The following RAB36 variants were observed in gnomAD, a reference collection of about 807,000 sequenced individuals.
RAB36 encodes the protein ras-related protein Rab-36.
A neutral mutation model predicts 39.3 loss-of-function variants in RAB36; 33 were observed. That is an observed-to-expected ratio of 0.84 (90% CI 0.64 to 1.12). The LOEUF is 1.12. Ranked by LOEUF, RAB36 falls within the 50% of genes most tolerant of loss-of-function variation. The probability of loss-of-function intolerance (pLI) is 0.00; values close to 1 mark genes in which losing one functional copy is unlikely to be tolerated. For synonymous variants in RAB36, 133 were observed against 140.2 expected (o/e 0.95, Z 0.36); for missense variants, 308 against 355.3 (o/e 0.87, Z 1.07).
rs770482586 is a variant in RAB36 at position 23,159,239 on chromosome 22, T to C, written c.605T>C (p.Val202Ala). 1.3e-6 allele frequency: 2 copies of C among 1,596,240 alleles called. No individual in the cohort carries two copies. Among genetic ancestry groups the C allele is most frequent in the South Asian group, 1.1e-5 (1 of 87,918 alleles). Residue 202 changes from valine to alanine, a missense_variant, in exon 9 of 11, where the codon GTG (valine) becomes GCG (alanine). Transcript: ENST00000263116. ...AREMQAEYWS[V>A]SAKTGENVKA... ...GAGATGCAGGCCGAGTACTGGTCAG[T>C]GTCGGCCAAGACTGGTGAGTGGGCC...
rs1001549484 is a variant in RAB36 at position 23,164,052 on chromosome 22, C to T, written c.*2488C>T. 3.1e-4 allele frequency: 47 copies of T among 152,370 alleles called. No individual in the cohort carries two copies. The highest frequency in any genetic ancestry group is 1.1e-3 in the African/African-American group (45 of 41,572). The allele number at this position is 152,370 out of a possible 1,614,324, so 9.4% of individuals were successfully genotyped here. Reference sequence around the variant, plus strand: ...TGCGTACTCAGGAAGGCCCTTCTCCCGACTGCGGCCCCCAGCCTGGTCCAC... The same window carrying T: ...TGCGTACTCAGGAAGGCCCTTCTCCTGACTGCGGCCCCCAGCCTGGTCCAC... On this transcript the variant is annotated 3_prime_UTR_variant, in exon 11 of 11. Transcript: ENST00000263116.
intron 8 of RAB36, 64 bp downstream of exon 8, chr22:23,159,043 A>G: frequency 6.3e-7 from 1 of 1,590,178 alleles, no homozygotes; most frequent in Non-Finnish European, 8.6e-7. Context: ...TACAGCCCTC[A>G]TTGGAGGAGC....
rs1044368392 is a variant in RAB36, at chr22:23,156,140, T to A, written c.394+108T>A. On this transcript the variant is annotated intron_variant, in intron 6 of 10. Transcript: ENST00000263116. ...CTGCACAGGCACCAGTTTTTTGTCC[T>A]CCAAGACCCACTGAGAAAACACCAG... The A allele has an allele frequency of 3.7e-5, 35 of 955,862 alleles. No homozygotes were observed. In the Admixed American group the frequency reaches 6.2e-4, roughly 17 times the overall value. 59.2% of individuals were successfully genotyped at this position (955,862 alleles called of 1,614,324 possible). A position where few individuals can be genotyped will look rare whatever the true frequency, so the allele number is the denominator to read the frequency against.
chr22:23,150,283 C>T (rs999215410), intron 3 of RAB36, 129 bp downstream of exon 3: 6 of 674,994 alleles, frequency 8.9e-6, no homozygotes, highest in Non-Finnish European at 1.5e-5. Context: ...CTGAAGATGA[C>T]TGGGGTTTTC....
At chr22:23,145,781 C>T (rs1218810850) in intron 1 of RAB36, among the ~76,000 whole-genome samples, 2 of 152,246 alleles carry the variant, frequency 1.3e-5, no homozygotes, top group East Asian at 3.9e-4. Flanking sequence ...CAACCGGACT[C>T]CGCCAGGACC....
At chr22:23,155,607 C>A (rs1601923864) in intron 5 of RAB36, among the ~76,000 whole-genome samples, 1 of 152,226 alleles carries the variant, frequency 6.6e-6, no homozygotes, top group African/African-American at 2.4e-5. Context: ...ATTCACAGAG[C>A]CTTCTCTACA....
At chr22:23,168,661 T>C (rs2072090338), downstream of RAB36, among the ~76,000 whole-genome samples, 1 of 152,168 alleles carries the variant, frequency 6.6e-6, no homozygotes, top group Non-Finnish European at 1.5e-5. Flanking sequence ...CGTATGACTG[T>C]CACATGCTCC....
At chr22:23,161,147 C>T (rs375778122) in intron 10 of RAB36, 149 bp downstream of exon 10, 15 of 1,013,676 alleles carry the variant, frequency 1.5e-5, no homozygotes, top group African/African-American at 1.1e-4. Context: ...GTCACTGCAG[C>T]CTCAGGCCTG....
intron 1 of RAB36, among the ~76,000 whole-genome samples, 165 bp from the exon 2 acceptor site, chr22:23,146,439 TG>T (rs528561981): frequency 1.2e-3 from 175 of 151,996 alleles, no homozygotes; most frequent in African/African-American, 4.1e-3. Flanking sequence ...CTCAACCTCC[TG>T]GGCCCAAGTG....
chr22:23,164,811 C>T lies in RAB36; in HGVS notation c.*3247C>T, dbSNP rs1262675970. On this transcript the variant is annotated 3_prime_UTR_variant, in exon 11 of 11. Transcript: ENST00000263116. ...TTCTGCTGGAGACACGTACCTGAAG[C>T]AGGTCCTCTCCTGTCACTTCCTGGC... is the stretch of plus-strand genomic sequence containing the variant. Among the ~76,000 whole-genome samples the T allele has an allele frequency of 1.3e-5, 2 of 152,156 alleles. No homozygotes were observed. The highest frequency in any genetic ancestry group is 2.9e-5 in the Non-Finnish European group (2 of 68,016).
Position 23,150,101 on chromosome 22 carries a change from C to T in RAB36, c.108C>T (p.His36=). 3 of 1,612,560 alleles carry T rather than the reference C, an allele frequency of 1.9e-6. No homozygotes were observed. Among genetic ancestry groups the T allele is most frequent in the African/African-American group, 1.3e-5 (1 of 75,026 alleles). The change falls in exon 3 of 11, where the codon CAC becomes CAT. Residue 36 remains histidine, a synonymous_variant. Coordinates refer to ENST00000263116, the MANE Select transcript of RAB36 (RefSeq NM_004914.5). The stretch of plus-strand genomic sequence containing the variant: ...AAGCCTGTTTGCAGCTCAGGGAGCA[C>T]TTCCACGGGCAGGTCAGCGCTGCCT... ...TPEACLQLRE[H]FHGQVSAACQ...
intron 5 of RAB36, chr22:23,153,557 G>A: frequency 1.0e-6 from 1 of 985,172 alleles, no homozygotes; most frequent in African/African-American, 1.7e-5. Flanking sequence ...GTCCCTGCAT[G>A]CCAGGCTTGG....
At chr22:23,166,347 TGG>T (rs1473723478), downstream of RAB36, among the ~76,000 whole-genome samples, 2 of 56,552 alleles carry the variant, frequency 3.5e-5, no homozygotes, top group Non-Finnish European at 6.7e-5. Flanking sequence ...TCTGATGCAT[TGG>T]GGGCCAATAT....
chr22:23,148,649 G>A (rs1245016609), intron 2 of RAB36, among the ~76,000 whole-genome samples: 1 of 152,242 alleles, frequency 6.6e-6, no homozygotes, highest in Non-Finnish European at 1.5e-5. Flanking sequence ...AATTCAGTCA[G>A]GTTGAGCAGG....
At chr22:23,147,414 C>CT (rs1287766417) in intron 2 of RAB36, among the ~76,000 whole-genome samples, 2 of 151,996 alleles carry the variant, frequency 1.3e-5, no homozygotes, top group Non-Finnish European at 2.9e-5. Context: ...ATTCACTCCT[C>CT]TAACTCCTGG....
intron 1 of RAB36, 46 bp downstream of exon 1, chr22:23,145,597 C>A (rs1318893921): frequency 1.9e-6 from 3 of 1,561,724 alleles, no homozygotes; most frequent in South Asian, 2.3e-5. Flanking sequence ...GTCACCCAAC[C>A]CCGTGCTGGC....
chr22:23,160,664 G>A (rs1423950420), intron 9 of RAB36, among the ~76,000 whole-genome samples: 1 of 152,146 alleles, frequency 6.6e-6, no homozygotes, highest in Non-Finnish European at 1.5e-5. Context: ...GCTGGAGCCA[G>A]GTGGGAGGCC....
chr22:23,146,536 A>G, intron 1 of RAB36, 69 bp from the exon 2 acceptor site: 1 of 1,568,994 alleles, frequency 6.4e-7, no homozygotes. Context: ...AGTTAGGTGG[A>G]AACTCATGGG....
intron 8 of RAB36, 61 bp from the exon 9 acceptor site, chr22:23,159,102 C>T: frequency 6.3e-7 from 1 of 1,590,736 alleles, no homozygotes; most frequent in Non-Finnish European, 8.6e-7. Flanking sequence ...AGCTGCCTAT[C>T]CCCCTGGGCC....
Sources: gnomAD v4.1 joint callset for allele counts (sites outside exome capture counted in the v4.1 genomes callset) on GRCh38, gnomAD v4.1.1 for gene constraint, MANE v1.5 for transcripts, NCBI Gene and HGNC (gene_info 2026-07-23, HGNC 2026-07-21) for gene names.